The following ITPRID1 variants were observed in gnomAD, a reference collection of about 807,000 sequenced individuals.
ITPRID1 encodes protein ITPRID1.
ITPRID1 carries 96 observed loss-of-function variants against 95.4 expected under a neutral mutation model. That is an observed-to-expected ratio of 1.01 (90% CI 0.85 to 1.19). The LOEUF is 1.19. Ranked by LOEUF, ITPRID1 falls within the 50% of genes most tolerant of loss-of-function variation. The probability of loss-of-function intolerance (pLI) is 0.00; values close to 1 mark genes in which losing one functional copy is unlikely to be tolerated. For missense variants in ITPRID1, 1,339 were observed against 1,252.9 expected, an observed-to-expected ratio of 1.07 and a Z score of -1.04; for synonymous variants, 510 against 453.6, an observed-to-expected ratio of 1.12 and a Z score of -1.58.
intron 1 of ITPRID1, among the ~76,000 whole-genome samples, chr7:31,533,919 C>G (rs1300069382): frequency 6.6e-6 from 1 of 152,046 alleles, no homozygotes; most frequent in African/African-American, 2.4e-5. Context: ...TAGTATTAGT[C>G]CCTGGCCTGC....
At chr7:31,598,405 T>TGC (rs1326848249) in intron 10 of ITPRID1, among the ~76,000 whole-genome samples, 1 of 135,612 alleles carries the variant, frequency 7.4e-6, no homozygotes. Flanking sequence ...TTTCTTTTTT[T>TGC]TTTTTTTTTT....
In ITPRID1 at chr7:31,614,636, T is replaced by A. The variant is rs1466972106; in HGVS notation, c.1229-27540T>A. ...GCTCAGTAAACATTATGGAATTAAT[T>A]GATTAACTGAGATAATTTCACGTTT... On this transcript the variant is annotated intron_variant, in intron 10 of 14. Transcript: ENST00000615280. 1.3e-5 allele frequency among the ~76,000 whole-genome samples: 2 copies of A among 152,168 alleles called. 1 individual carries two copies. Among genetic ancestry groups the A allele is most frequent in the African/African-American group, 4.8e-5 (2 of 41,446 alleles).
At chr7:31,596,107 C>T (rs950303584) in intron 10 of ITPRID1, among the ~76,000 whole-genome samples, 1 of 150,920 alleles carries the variant, frequency 6.6e-6, no homozygotes, top group African/African-American at 2.4e-5. Context: ...TATATTGATA[C>T]TATATTACCA....
In ITPRID1 at chr7:31,553,197, ACT is replaced by A; in HGVS notation, c.163+14_163+15del. The A allele has an allele frequency of 6.4e-7, 1 of 1,562,680 alleles. No individual in the cohort carries two copies. ...ACCATCCCCATGCTGGGTGAGAAGGACTCTCAGGCCTATTTGAAAACATTCCT... is the reference window on the plus strand; with the variant it reads ...ACCATCCCCATGCTGGGTGAGAAGGACTCAGGCCTATTTGAAAACATTCCT... On this transcript the variant is annotated intron_variant, in intron 3 of 14. Transcript: ENST00000615280.
intron 1 of ITPRID1, among the ~76,000 whole-genome samples, chr7:31,537,865 A>C (rs73083492): frequency 0.2 from 30,436 of 152,090 alleles, 3,403 homozygotes; most frequent in East Asian, 0.33. Flanking sequence ...TTCTCCCCCC[A>C]AAATAAGATC....
chr7:31,555,381 G>A (rs1784413941), intron 5 of ITPRID1: 1 of 152,500 alleles, frequency 6.6e-6, no homozygotes, highest in African/African-American at 2.4e-5. Context: ...AGGAGAAAAT[G>A]TATCACACTT....
chr7:31,616,535 G>GCCCATCAACACATCCCTCCA (rs1787247701), intron 10 of ITPRID1, among the ~76,000 whole-genome samples: 1 of 152,106 alleles, frequency 6.6e-6, no homozygotes, highest in African/African-American at 2.4e-5. Context: ...GAGGTCATCT[G>GCCCATCAACACATCCCTCCA]CCCATCAACA....
At chr7:31,622,777 T>C (rs1012735429) in intron 10 of ITPRID1, among the ~76,000 whole-genome samples, 47 of 151,738 alleles carry the variant, frequency 3.1e-4, no homozygotes, top group African/African-American at 1.1e-3. Context: ...CTGAAGGAAA[T>C]AGAGACACAA....
rs929765163 is a variant in ITPRID1 at position 31,654,462 on chromosome 7, G to T, written c.*1633G>T. ...AAAGCCACTGTGGGTTTTAAGCAGG[G>T]TCGTCATATAATCTGATTTACGTTT... On this transcript the variant is annotated 3_prime_UTR_variant, in exon 15 of 15. Coordinates refer to ENST00000615280, the MANE Select transcript of ITPRID1 (RefSeq NM_001257967.3). 2.0e-5 allele frequency among the ~76,000 whole-genome samples: 3 copies of T among 152,174 alleles called. No individual in the cohort carries two copies. The highest frequency in any genetic ancestry group is 6.5e-5 in the Admixed American group (1 of 15,280).
chr7:31,631,580 T>C (rs149701266), intron 10 of ITPRID1, among the ~76,000 whole-genome samples: 2 of 152,318 alleles, frequency 1.3e-5, no homozygotes, highest in East Asian at 3.9e-4. Context: ...AAAGATAAGT[T>C]AATTTTACAG....
chr7:31,588,103 C>T (rs184249346), intron 10 of ITPRID1, among the ~76,000 whole-genome samples: 161 of 152,204 alleles, frequency 1.1e-3, no homozygotes, highest in South Asian at 4.1e-3. Flanking sequence ...GTTTCTGATG[C>T]TAAGTAACTC....
chr7:31,592,347 AAAT>A (rs1310813534), intron 10 of ITPRID1, among the ~76,000 whole-genome samples: 1 of 152,252 alleles, frequency 6.6e-6, no homozygotes, highest in Non-Finnish European at 1.5e-5. Context: ...AAGAAAATAA[AAAT>A]AAGCATAATA....
chr7:31,596,177 ATAAG>A (rs1490997009), intron 10 of ITPRID1, among the ~76,000 whole-genome samples: 1 of 151,470 alleles, frequency 6.6e-6, no homozygotes, highest in African/African-American at 2.4e-5. Flanking sequence ...GAAAAGATAA[ATAAG>A]CTAATACCAT....
rs556447955 is a variant in ITPRID1, at chr7:31,646,975, T to C, written c.2583+3022T>C. On this transcript the variant is annotated intron_variant, in intron 12 of 14. Transcript: ENST00000615280. ...TACCAGATGACAATGAATTTCCCTT[T>C]ATTAACATCCAAAGAAATAGAAAAA... Among the ~76,000 whole-genome samples the C allele has an allele frequency of 3.9e-5, 6 of 152,358 alleles. No individual in the cohort carries two copies. The East Asian group carries it at 1.2e-3, about 29-fold the overall frequency.
At position 31,654,599 on chromosome 7, in the gene ITPRID1, G is replaced by C. The variant is rs1430171362; in HGVS notation, c.*1770G>C. Among the ~76,000 whole-genome samples, 1 of 152,112 alleles carries C rather than the reference G, an allele frequency of 6.6e-6. No individual in the cohort carries two copies. Among genetic ancestry groups the C allele is most frequent in the Admixed American group, 6.5e-5 (1 of 15,274 alleles). On this transcript the variant is annotated 3_prime_UTR_variant, in exon 15 of 15. Transcript: ENST00000615280. Reference sequence around the variant, plus strand: ...ATCCCCAAGGTGAGAAGCAAATGTCGTCAAGTTGCTTCTATTCAGCCTTGG... The same window carrying C: ...ATCCCCAAGGTGAGAAGCAAATGTCCTCAAGTTGCTTCTATTCAGCCTTGG...
At chr7:31,616,321 G>GACCC (rs1225371417) in intron 10 of ITPRID1, among the ~76,000 whole-genome samples, 36 of 152,104 alleles carry the variant, frequency 2.4e-4, no homozygotes, top group African/African-American at 8.2e-4. Flanking sequence ...GGGTCTAGTA[G>GACCC]TGAATATATG....
Position 31,635,854 on chromosome 7 carries a change from T to C in ITPRID1, c.1229-6322T>C, listed in dbSNP as rs181949579. 9.2e-5 allele frequency among the ~76,000 whole-genome samples: 14 copies of C among 152,214 alleles called. No homozygotes were observed. In the East Asian group the frequency reaches 2.7e-3, roughly 29 times the overall value. ...GCTTAATACCTAGGTGATTGGCCGA[T>C]AGGTGCAGCAAACCACCATGGCACA... On this transcript the variant is annotated intron_variant, in intron 10 of 14. Transcript: ENST00000615280.
chr7:31,553,211 T>C, intron 3 of ITPRID1, 24 bp downstream of exon 3: 1 of 1,545,486 alleles, frequency 6.5e-7, no homozygotes, highest in Non-Finnish European at 8.7e-7. Flanking sequence ...TCAGGCCTAT[T>C]TGAAAACATT....
intron 10 of ITPRID1, among the ~76,000 whole-genome samples, chr7:31,632,881 T>C (rs143377044): frequency 5.7e-4 from 86 of 151,514 alleles, no homozygotes; most frequent in African/African-American, 1.9e-3. Flanking sequence ...TTTATTTATT[T>C]ATTCATTCAT....
Sources: allele counts gnomAD v4.1 joint callset (sites outside exome capture counted in the v4.1 genomes callset), GRCh38; gene constraint gnomAD v4.1.1; transcripts MANE v1.5; gene names NCBI Gene and HGNC (gene_info 2026-07-23, HGNC 2026-07-21).